The following CTNNA2 variants were observed in gnomAD, a reference collection of about 807,000 sequenced individuals.
CTNNA2 encodes catenin alpha-2.
In CTNNA2, 42 loss-of-function variants were observed where a neutral mutation model predicts 101.0. The observed-to-expected ratio is 0.42, with a 90% CI of 0.32 to 0.54. CTNNA2 has a LOEUF of 0.54. Among genes scored for constraint, CTNNA2 ranks in the 20% least tolerant of loss-of-function variants. The pLI is 0.14. For synonymous variants in CTNNA2, 450 were observed against 456.4 expected (o/e 0.99, Z 0.18); for missense variants, 871 against 1,223.1 (o/e 0.71, Z 4.29).
intron 2 of CTNNA2, among the ~76,000 whole-genome samples, chr2:79,665,902 G>T (rs1355816369): frequency 6.6e-6 from 1 of 152,134 alleles, no homozygotes; most frequent in African/African-American, 2.4e-5. Flanking sequence ...AGCTGTTATT[G>T]TAAATGTACT....
intron 7 of CTNNA2, among the ~76,000 whole-genome samples, chr2:80,032,996 C>G (rs1162971466): frequency 1.3e-5 from 2 of 151,712 alleles, no homozygotes. Flanking sequence ...ACCAAAAATA[C>G]AAAAATTAAC....
At chr2:80,634,456 C>T (rs1672644907) in intron 18 of CTNNA2, among the ~76,000 whole-genome samples, 1 of 150,794 alleles carries the variant, frequency 6.6e-6, no homozygotes, top group Non-Finnish European at 1.5e-5. Flanking sequence ...GAGCAGTAAA[C>T]AAGAAACCAG....
intron 3 of CTNNA2, among the ~76,000 whole-genome samples, chr2:79,753,231 C>T (rs1207011588): frequency 6.6e-6 from 1 of 152,068 alleles, no homozygotes; most frequent in Non-Finnish European, 1.5e-5. Flanking sequence ...GCATAATTTG[C>T]CTAAGAATTT....
At chr2:79,338,261 G>A (rs1302946215) in intron 3 of CTNNA2, among the ~76,000 whole-genome samples, 1 of 56,136 alleles carries the variant, frequency 1.8e-5, no homozygotes, top group Non-Finnish European at 3.6e-5. Flanking sequence ...AAAAAAATTG[G>A]TAGTCAGGCA....
chr2:80,043,190 CTT>C (rs1420427690), intron 7 of CTNNA2, among the ~76,000 whole-genome samples: 1 of 117,678 alleles, frequency 8.5e-6, no homozygotes, highest in Non-Finnish European at 1.7e-5. Flanking sequence ...TCCTTTCTTT[CTT>C]TCTTTCTCTC....
At chr2:80,289,807 A>T (rs1270040367) in intron 7 of CTNNA2, among the ~76,000 whole-genome samples, 1 of 152,202 alleles carries the variant, frequency 6.6e-6, no homozygotes, top group Non-Finnish European at 1.5e-5. Flanking sequence ...GTCAACTGAC[A>T]GGAGGGACTT....
chr2:79,446,323 A>G (rs771853333), intron 4 of CTNNA2, among the ~76,000 whole-genome samples: 4 of 152,076 alleles, frequency 2.6e-5, no homozygotes, highest in Non-Finnish European at 5.9e-5. Context: ...CTCTTCAAGC[A>G]TCTTTCCCAA....
chr2:80,070,385 A>T (rs1037139901), intron 7 of CTNNA2, among the ~76,000 whole-genome samples: 1 of 152,154 alleles, frequency 6.6e-6, no homozygotes, highest in Non-Finnish European at 1.5e-5. Context: ...TTGGTTGCAT[A>T]AAGCAACAGA....
intron 9 of CTNNA2, among the ~76,000 whole-genome samples, chr2:80,491,515 A>G (rs1167801010): frequency 6.6e-6 from 1 of 152,220 alleles, no homozygotes; most frequent in Non-Finnish European, 1.5e-5. Context: ...TTGCTAATAT[A>G]ATTCAGAAGG....
At chr2:79,750,633 C>T (rs936400088) in intron 3 of CTNNA2, among the ~76,000 whole-genome samples, 4 of 152,098 alleles carry the variant, frequency 2.6e-5, no homozygotes, top group East Asian at 3.9e-4. Context: ...GAGGCCAAGG[C>T]GGGCAGATCA....
chr2:79,875,718 A>G (rs1682971011), intron 6 of CTNNA2, among the ~76,000 whole-genome samples: 1 of 151,986 alleles, frequency 6.6e-6, no homozygotes, highest in South Asian at 2.1e-4. Flanking sequence ...CACACCATAT[A>G]TTATTTCCTA....
intron 2 of CTNNA2, among the ~76,000 whole-genome samples, chr2:79,210,919 C>T (rs893303102): frequency 3.9e-5 from 6 of 152,234 alleles, no homozygotes; most frequent in South Asian, 4.1e-4. Context: ...CTCCCTCTCC[C>T]GCCTGGGGGA....
rs190160870 is a variant in CTNNA2 at position 80,307,588 on chromosome 2, A to G, written c.1057-85623A>G. 6.2e-3 allele frequency among the ~76,000 whole-genome samples: 942 copies of G among 152,254 alleles called. 9 individuals are homozygous for G. The highest frequency in any genetic ancestry group is 0.022 in the African/African-American group (896 of 41,542). On this transcript the variant is annotated intron_variant, in intron 7 of 18. Transcript: ENST00000402739. Reference sequence around the variant, plus strand: ...TGATTCACCAGGTTACAATGTAGCTATTGCATGTACTGGATCAATCTCTTC... The same window carrying G: ...TGATTCACCAGGTTACAATGTAGCTGTTGCATGTACTGGATCAATCTCTTC...
chr2:80,150,224 T>A (rs1315951436), intron 7 of CTNNA2, among the ~76,000 whole-genome samples: 7 of 152,176 alleles, frequency 4.6e-5, no homozygotes, highest in Non-Finnish European at 1.0e-4. Context: ...GCCCAGACTC[T>A]CTCTCTGTCT....
chr2:79,618,872 G>A (rs925640712), intron 1 of CTNNA2, among the ~76,000 whole-genome samples: 1 of 152,198 alleles, frequency 6.6e-6, no homozygotes, highest in African/African-American at 2.4e-5. Context: ...TGGAGAGAAG[G>A]GATATGCACA....
intron 7 of CTNNA2, among the ~76,000 whole-genome samples, chr2:79,978,857 T>C (rs866351402): frequency 9.2e-5 from 14 of 152,276 alleles, no homozygotes; most frequent in Middle Eastern, 3.4e-3. Flanking sequence ...TTTTAAATAG[T>C]TTGTGTATTA....
chr2:79,850,122 G>A (rs954735274), intron 3 of CTNNA2, among the ~76,000 whole-genome samples: 1 of 150,578 alleles, frequency 6.6e-6, no homozygotes, highest in Non-Finnish European at 1.5e-5. Context: ...TTGGAGAAGT[G>A]TCTTTGTTTA....
chr2:79,581,746 G>T (rs1043407986), intron 1 of CTNNA2, among the ~76,000 whole-genome samples: 8 of 152,046 alleles, frequency 5.3e-5, no homozygotes, highest in Admixed American at 5.2e-4. Flanking sequence ...AGGAACGAGT[G>T]GCGTAATCAC....
intron 18 of CTNNA2, among the ~76,000 whole-genome samples, chr2:80,630,409 C>T (rs867970795): frequency 1.3e-5 from 2 of 151,994 alleles, no homozygotes; most frequent in East Asian, 1.9e-4. Context: ...GAGGCCGAGG[C>T]GGGTGGATCA....
Sources: gnomAD v4.1 joint callset for allele counts (sites outside exome capture counted in the v4.1 genomes callset) on GRCh38, gnomAD v4.1.1 for gene constraint, MANE v1.5 for transcripts, NCBI Gene and HGNC (gene_info 2026-07-23, HGNC 2026-07-21) for gene names.